The following SGCD variants were observed in gnomAD, a reference collection of about 807,000 sequenced individuals.
SGCD encodes delta-sarcoglycan.
A neutral mutation model predicts 36.6 loss-of-function variants in SGCD; 18 were observed. That is an observed-to-expected ratio of 0.49 (90% CI 0.34 to 0.73). SGCD has a LOEUF of 0.73. Among genes scored for constraint, SGCD ranks in the 30% least tolerant of loss-of-function variants. The pLI is 0.01. For missense variants in SGCD, 387 were observed against 346.7 expected, an observed-to-expected ratio of 1.12 and a Z score of -0.92; for synonymous variants, 133 against 130.6, an observed-to-expected ratio of 1.02 and a Z score of -0.12.
At chr5:156,255,077 C>T (rs1428135) in intron 3 of SGCD, among the ~76,000 whole-genome samples, 95,357 of 151,858 alleles carry the variant, frequency 0.63, 30,574 homozygotes, top group East Asian at 0.92. Flanking sequence ...TACTTTCAGT[C>T]GTGTGTATAA....
At chr5:155,870,439 T>G (rs1755608172) in intron 1 of SGCD, 2 of 152,158 alleles carry the variant, frequency 1.3e-5, no homozygotes, top group South Asian at 4.1e-4. Flanking sequence ...CTCTCCAAAT[T>G]TTACTTACAT....
the SGCD span, among the ~76,000 whole-genome samples, chr5:155,852,331 T>C: frequency 1.3e-5 from 2 of 152,178 alleles, no homozygotes; most frequent in South Asian, 4.1e-4. Context: ...GACTTGAAAC[T>C]TTGGTGATAT....
chr5:156,529,169 G>A (rs1757773319), intron 4 of SGCD, among the ~76,000 whole-genome samples: 1 of 152,086 alleles, frequency 6.6e-6, no homozygotes, highest in African/African-American at 2.4e-5. Context: ...GCTCACGTCT[G>A]TAATCCCAGC....
chr5:156,236,203 A>T (rs186541565), intron 3 of SGCD, among the ~76,000 whole-genome samples: 2 of 152,148 alleles, frequency 1.3e-5, no homozygotes, highest in Admixed American at 1.3e-4. Flanking sequence ...TTTTTCTCAG[A>T]TGTTCTATAT....
At chr5:156,357,129 G>A (rs188844058) in intron 3 of SGCD, among the ~76,000 whole-genome samples, 4 of 152,274 alleles carry the variant, frequency 2.6e-5, no homozygotes, top group Admixed American at 1.3e-4. Context: ...CAACAGTACC[G>A]CCACCATCAA....
rs1759958070 is a variant in SGCD at position 156,052,880 on chromosome 5, G to T, written c.-281-64998G>T. 3.4e-5 allele frequency among the ~76,000 whole-genome samples: 5 copies of T among 146,378 alleles called. 1 individual carries two copies. On this transcript the variant is annotated intron_variant, in intron 1 of 9. Coordinates refer to the SGCD transcript ENST00000517913. ...TCCAGACCCTTGCAGGCTCCCTGGG[G>T]TTTTGCCCAGAGACTCAATTGGGGC...
intron 1 of SGCD, among the ~76,000 whole-genome samples, chr5:155,936,672 A>T (rs1276164659): frequency 1.3e-5 from 2 of 152,188 alleles, no homozygotes; most frequent in Non-Finnish European, 2.9e-5. Flanking sequence ...GGTCCACGGA[A>T]CTGGCAGTCC....
At chr5:156,304,469 G>A (rs2127686424) in intron 3 of SGCD, among the ~76,000 whole-genome samples, 1 of 152,194 alleles carries the variant, frequency 6.6e-6, no homozygotes, top group South Asian at 2.1e-4. Flanking sequence ...GCTCCTCCTT[G>A]CCTTCCACCA....
At chr5:156,318,458 C>T (rs1273776827) in intron 3 of SGCD, among the ~76,000 whole-genome samples, 2 of 152,158 alleles carry the variant, frequency 1.3e-5, no homozygotes, top group African/African-American at 4.8e-5. Context: ...ATCATATCTC[C>T]AATCCCTGGA....
At chr5:155,880,499 C>G (rs1186550264) in intron 1 of SGCD, among the ~76,000 whole-genome samples, 8 of 152,160 alleles carry the variant, frequency 5.3e-5, no homozygotes, top group Admixed American at 5.2e-4. Context: ...CTTTAACATA[C>G]ATCTCCCCTG....
chr5:155,969,885 G>A (rs921855803), intron 1 of SGCD, among the ~76,000 whole-genome samples: 1 of 152,020 alleles, frequency 6.6e-6, no homozygotes, highest in South Asian at 2.1e-4. Context: ...CTAATCGTTC[G>A]ACAAAAGAGG....
chr5:156,757,898 T>G, intron 8 of SGCD, 194 bp downstream of exon 8: 1 of 1,319,524 alleles, frequency 7.6e-7, no homozygotes, highest in Non-Finnish European at 9.7e-7. Flanking sequence ...GATGATTTCT[T>G]ATTTGTAAAA....
At chr5:156,448,710 G>A (rs77831041) in intron 3 of SGCD, among the ~76,000 whole-genome samples, 3,596 of 150,358 alleles carry the variant, frequency 0.024, 58 homozygotes, top group African/African-American at 0.038. Flanking sequence ...TAAAGGGTGG[G>A]AGAAGTTTCT....
chr5:156,594,996 C>G lies in SGCD; in HGVS notation c.447C>G (p.Leu149=), dbSNP rs1257378159. The change falls in exon 6 of 9, where the codon CTC becomes CTG. Residue 149 remains leucine (L), a synonymous_variant. Transcript: ENST00000337851. ...TAAAAACTGTTTCTGGAAAATTGCT[C>G]TTCTCTGCAGACAATAATGAAGTGG... ...FEVKTVSGKL[L]FSADNNEVVV... 1.2e-6 allele frequency: 2 copies of G among 1,612,400 alleles called. No individual in the cohort carries two copies. The highest frequency in any genetic ancestry group is 1.3e-5 in the African/African-American group (1 of 74,856).
chr5:156,667,570 A>T (rs1244252528), intron 7 of SGCD, among the ~76,000 whole-genome samples: 1 of 152,214 alleles, frequency 6.6e-6, no homozygotes. Flanking sequence ...ACCAAATAAC[A>T]GCATAGTTAT....
chr5:156,132,139 T>G (rs1367381651), intron 3 of SGCD, among the ~76,000 whole-genome samples: 1 of 152,076 alleles, frequency 6.6e-6, no homozygotes, highest in Non-Finnish European at 1.5e-5. Flanking sequence ...TGTGGGTAGG[T>G]TTTGTTATTG....
rs3074979 is a variant in SGCD, at chr5:156,482,813, GTTTTTTTTT to G, written c.193-25771_193-25763del. Among the ~76,000 whole-genome samples, 173 of 83,396 alleles carry G rather than the reference GTTTTTTTTT, an allele frequency of 2.1e-3. 3 individuals are homozygous for G. The highest frequency in any genetic ancestry group is 7.1e-3 in the African/African-American group (145 of 20,458). 54.7% of individuals were successfully genotyped at this position (83,396 alleles called of 152,430 possible). On this transcript the variant is annotated intron_variant, in intron 3 of 8. Transcript: ENST00000337851. ...GCAGGTAGTATTATCCTTTTGGTCA[GTTTTTTTTT>G]TTTTTTTTTTTTTTTTAAGTAAGCT...
At chr5:156,589,584 T>G (rs1431688094) in intron 5 of SGCD, among the ~76,000 whole-genome samples, 6 of 152,164 alleles carry the variant, frequency 3.9e-5, no homozygotes, top group African/African-American at 1.4e-4. Flanking sequence ...ACATGGCCCC[T>G]AAATATAAAC....
At chr5:156,024,295 A>G (rs1432727) in intron 1 of SGCD, among the ~76,000 whole-genome samples, 35,158 of 151,018 alleles carry the variant, frequency 0.23, 4,566 homozygotes, top group Admixed American at 0.38. Flanking sequence ...GTGTAAATTG[A>G]AAATGTGGCT....
Sources: allele counts gnomAD v4.1 joint callset (sites outside exome capture counted in the v4.1 genomes callset), GRCh38; gene constraint gnomAD v4.1.1; transcripts MANE v1.5; gene names NCBI Gene and HGNC (gene_info 2026-07-23, HGNC 2026-07-21).